STXBP5L: variants seen among roughly 807,000 people sequenced by gnomAD.
STXBP5L encodes the protein syntaxin binding protein 5L.
In STXBP5L, 65 loss-of-function variants were observed where a neutral mutation model predicts 144.5. That is an observed-to-expected ratio of 0.45 (90% CI 0.37 to 0.55). The LOEUF is 0.55. Ranked by LOEUF, STXBP5L falls within the 20% of genes least tolerant of loss-of-function variation. The pLI, the probability that STXBP5L is intolerant of heterozygous loss-of-function variation, is 0.00. For synonymous variants in STXBP5L, 505 were observed against 469.6 expected (o/e 1.08, Z -0.97); for missense variants, 1,298 against 1,405.5 (o/e 0.92, Z 1.22).
At chr3:121,122,230 TTAA>T (rs967264687) in intron 7 of STXBP5L, among the ~76,000 whole-genome samples, 31 of 150,012 alleles carry the variant, frequency 2.1e-4, no homozygotes, top group Non-Finnish European at 3.6e-4. Context: ...TATTAATTAA[TTAA>T]TATTAATAAA....
At chr3:120,997,938 CAAT>C (rs1229212982) in intron 3 of STXBP5L, among the ~76,000 whole-genome samples, 4 of 152,134 alleles carry the variant, frequency 2.6e-5, no homozygotes, top group Non-Finnish European at 5.9e-5. Flanking sequence ...ATATGCAAAT[CAAT>C]AATTTTGATT....
At chr3:121,052,446 C>T (rs1474975738) in intron 5 of STXBP5L, among the ~76,000 whole-genome samples, 1 of 152,102 alleles carries the variant, frequency 6.6e-6, no homozygotes, top group Non-Finnish European at 1.5e-5. Context: ...TCAATATACG[C>T]AAATCAATAA....
intron 20 of STXBP5L, among the ~76,000 whole-genome samples, chr3:121,361,873 G>A (rs578212240): frequency 6.6e-6 from 1 of 152,170 alleles, no homozygotes; most frequent in South Asian, 2.1e-4. Flanking sequence ...TGGTGTGTGG[G>A]CATTGAAGAG....
rs549339980 is a variant in STXBP5L at position 120,967,101 on chromosome 3, G to C, written c.287+12064G>C. On this transcript the variant is annotated intron_variant, in intron 3 of 26. Coordinates refer to ENST00000471454, the MANE Select transcript of STXBP5L (RefSeq NM_001308330.2). ...AGGCTCAGTGGGTGTGGGACCCACT[G>C]AGCCAGGCACGAGAGAGAATCGCCT... 3.3e-5 allele frequency among the ~76,000 whole-genome samples: 5 copies of C among 152,190 alleles called. No homozygotes were observed. In the East Asian group the frequency reaches 9.7e-4, roughly 30 times the overall value.
chr3:121,254,151 A>AG (rs1187518849), intron 15 of STXBP5L, among the ~76,000 whole-genome samples: 7 of 152,134 alleles, frequency 4.6e-5, no homozygotes, highest in Non-Finnish European at 1.5e-5. Flanking sequence ...TATTAGATTC[A>AG]GGTGATGCAC....
chr3:121,368,864 G>A (rs1268646004), intron 20 of STXBP5L, among the ~76,000 whole-genome samples: 1 of 152,144 alleles, frequency 6.6e-6, no homozygotes, highest in Non-Finnish European at 1.5e-5. Context: ...GAAAAATGAA[G>A]GAGTTAATGG....
intron 7 of STXBP5L, among the ~76,000 whole-genome samples, chr3:121,129,070 G>A (rs774212054): frequency 2.0e-5 from 3 of 151,986 alleles, no homozygotes; most frequent in Non-Finnish European, 2.9e-5. Context: ...AGTTAGAGGC[G>A]AGACATATGG....
intron 19 of STXBP5L, among the ~76,000 whole-genome samples, chr3:121,312,684 A>G (rs1270335838): frequency 4.6e-5 from 7 of 151,246 alleles, no homozygotes; most frequent in Admixed American, 4.6e-4. Context: ...GCTGCCTTCA[A>G]GCATCTGTTT....
rs147443874 is a variant in STXBP5L, at chr3:121,298,656, T to C, written c.2110+18700T>C. Among the ~76,000 whole-genome samples the C allele has an allele frequency of 4.0e-4, 61 of 152,234 alleles. 2 individuals are homozygous for C. In the East Asian group the frequency reaches 0.011, roughly 27 times the overall value. On this transcript the variant is annotated intron_variant, in intron 19 of 26. Coordinates refer to ENST00000471454, the MANE Select transcript of STXBP5L (RefSeq NM_001308330.2). The stretch of plus-strand genomic sequence containing the variant: ...TACACTAGATGAAATAAGCCAGTCA[T>C]AGAAGGACAAATATTATATGATTCC...
intron 20 of STXBP5L, among the ~76,000 whole-genome samples, chr3:121,332,723 C>A (rs1463727064): frequency 2.0e-5 from 3 of 152,140 alleles, no homozygotes; most frequent in Non-Finnish European, 4.4e-5. Flanking sequence ...GAAAACTTCA[C>A]TGGCCTTGCT....
chr3:121,135,579 G>C (rs190038580), intron 7 of STXBP5L, among the ~76,000 whole-genome samples: 7 of 152,312 alleles, frequency 4.6e-5, no homozygotes, highest in African/African-American at 1.7e-4. Context: ...TAGATCCCTT[G>C]CATGTGTACT....
At chr3:121,341,525 C>A (rs2044711898) in intron 20 of STXBP5L, among the ~76,000 whole-genome samples, 1 of 151,802 alleles carries the variant, frequency 6.6e-6, no homozygotes, top group Non-Finnish European at 1.5e-5. Context: ...AGTGTATAGC[C>A]AGAAGAAAGG....
At chr3:121,315,917 G>A (rs1304866992) in intron 19 of STXBP5L, among the ~76,000 whole-genome samples, 1 of 151,326 alleles carries the variant, frequency 6.6e-6, no homozygotes, top group Non-Finnish European at 1.5e-5. Context: ...CAGGAGAACT[G>A]ATTGAGACCC....
intron 3 of STXBP5L, among the ~76,000 whole-genome samples, chr3:120,988,080 C>G (rs766373760): frequency 2.6e-4 from 39 of 149,996 alleles, no homozygotes; most frequent in Non-Finnish European, 5.3e-4. Flanking sequence ...ATTTTTTTTT[C>G]AAGAACTAGC....
chr3:121,201,218 T>C (rs1309946984), intron 9 of STXBP5L, among the ~76,000 whole-genome samples: 1 of 152,222 alleles, frequency 6.6e-6, no homozygotes, highest in Non-Finnish European at 1.5e-5. Context: ...AGCATATATG[T>C]TTAGGATAGT....
At chr3:121,052,524 G>C (rs756975509) in intron 5 of STXBP5L, among the ~76,000 whole-genome samples, 12 of 152,088 alleles carry the variant, frequency 7.9e-5, no homozygotes, top group Non-Finnish European at 1.6e-4. Context: ...ATGCATAAAA[G>C]GCCTTTGACA....
intron 5 of STXBP5L, among the ~76,000 whole-genome samples, chr3:121,079,928 TGCCC>T (rs1465274997): frequency 1.3e-5 from 2 of 152,248 alleles, no homozygotes; most frequent in Non-Finnish European, 2.9e-5. Flanking sequence ...AGTATTGAAG[TGCCC>T]CACTATTATT....
intron 9 of STXBP5L, among the ~76,000 whole-genome samples, chr3:121,191,253 G>C (rs559859057): frequency 7.9e-5 from 12 of 152,214 alleles, no homozygotes; most frequent in Admixed American, 2.0e-4. Flanking sequence ...GGGCAACATT[G>C]AACACTGAGT....
intron 1 of STXBP5L, 37 bp from the exon 2 acceptor site, chr3:120,909,534 A>G: frequency 1.9e-6 from 3 of 1,578,790 alleles, no homozygotes; most frequent in Non-Finnish European, 2.6e-6. Context: ...GTGTTAAGTC[A>G]CCTCTTTCCC....
Sources: allele counts gnomAD v4.1 joint callset (sites outside exome capture counted in the v4.1 genomes callset), GRCh38; gene constraint gnomAD v4.1.1; transcripts MANE v1.5; gene names NCBI Gene and HGNC (gene_info 2026-07-23, HGNC 2026-07-21).